The following ANKS1B variants were observed in gnomAD, a reference collection of about 807,000 sequenced individuals.
The protein encoded by ANKS1B is ankyrin repeat and sterile alpha motif domain-containing protein 1B.
Under a neutral mutation model 148.3 loss-of-function variants are expected in ANKS1B, and 36 were observed. That is an observed-to-expected ratio of 0.24 (90% CI 0.19 to 0.32). The LOEUF (loss-of-function observed/expected upper bound fraction) is 0.32. Among genes scored for constraint, ANKS1B ranks in the 10% least tolerant of loss-of-function variants. The pLI is 1.00. For synonymous variants in ANKS1B, 542 were observed against 560.8 expected (o/e 0.97, Z 0.47); for missense variants, 1,157 against 1,542.6 (o/e 0.75, Z 4.19).
intron 16 of ANKS1B, among the ~76,000 whole-genome samples, chr12:99,058,863 G>A (rs949300092): frequency 8.1e-5 from 12 of 148,586 alleles, no homozygotes; most frequent in African/African-American, 2.5e-4. Flanking sequence ...TCAGCCTCCC[G>A]AGTAGCTGGG....
chr12:99,329,411 C>G (rs1417558867), intron 12 of ANKS1B, among the ~76,000 whole-genome samples: 1 of 151,774 alleles, frequency 6.6e-6, no homozygotes, highest in African/African-American at 2.4e-5. Flanking sequence ...AATCTTTATA[C>G]CCATAAATGT....
At chr12:99,464,893 C>T (rs2096069332) in intron 10 of ANKS1B, among the ~76,000 whole-genome samples, 1 of 152,154 alleles carries the variant, frequency 6.6e-6, no homozygotes, top group African/African-American at 2.4e-5. Context: ...GGAGAACTTC[C>T]CCAATCTAGC....
intron 10 of ANKS1B, among the ~76,000 whole-genome samples, chr12:99,486,412 G>A (rs531137492): frequency 5.3e-5 from 8 of 152,066 alleles, no homozygotes; most frequent in Admixed American, 4.6e-4. Flanking sequence ...GGTTGGAATG[G>A]CAGAGGTCTC....
intron 9 of ANKS1B, among the ~76,000 whole-genome samples, chr12:99,597,251 GGAGAGA>G (rs3081683): frequency 2.7e-5 from 4 of 149,474 alleles, no homozygotes; most frequent in Non-Finnish European, 6.0e-5. Flanking sequence ...AATGTCTGAG[GGAGAGA>G]GAGAGAGAGA....
intron 17 of ANKS1B, among the ~76,000 whole-genome samples, chr12:98,954,136 T>C (rs1171230278): frequency 6.6e-6 from 1 of 152,212 alleles, no homozygotes; most frequent in Non-Finnish European, 1.5e-5. Context: ...CTTGAAGTGA[T>C]GCATGAAACA....
At chr12:99,962,906 C>G (rs12312061) in intron 1 of ANKS1B, among the ~76,000 whole-genome samples, 1 of 151,902 alleles carries the variant, frequency 6.6e-6, no homozygotes, top group Non-Finnish European at 1.5e-5. Flanking sequence ...CTCCGCCTCC[C>G]GGGCTCACGC....
chr12:99,015,089 G>A (rs999501054), intron 17 of ANKS1B, among the ~76,000 whole-genome samples: 3 of 152,144 alleles, frequency 2.0e-5, no homozygotes, highest in African/African-American at 7.2e-5. Flanking sequence ...GTTCATTGCA[G>A]CACTATTCAT....
intron 22 of ANKS1B, among the ~76,000 whole-genome samples, chr12:98,796,114 G>A (rs1459378035): frequency 6.6e-6 from 1 of 152,082 alleles, no homozygotes; most frequent in Admixed American, 6.5e-5. Context: ...GTAATTAAAT[G>A]TTCACATGTT....
intron 14 of ANKS1B, among the ~76,000 whole-genome samples, chr12:99,178,090 A>G (rs1182574966): frequency 2.0e-5 from 3 of 152,130 alleles, no homozygotes; most frequent in Non-Finnish European, 2.9e-5. Flanking sequence ...TCAGTATAGA[A>G]CTTGAACAGT....
intron 12 of ANKS1B, among the ~76,000 whole-genome samples, chr12:99,303,467 C>T (rs932465953): frequency 3.3e-5 from 5 of 152,062 alleles, no homozygotes; most frequent in Non-Finnish European, 7.4e-5. Context: ...CAACACTGTT[C>T]TAAACTCTGG....
At chr12:99,213,265 C>T (rs1045145265) in intron 14 of ANKS1B, among the ~76,000 whole-genome samples, 1 of 152,228 alleles carries the variant, frequency 6.6e-6, no homozygotes, top group African/African-American at 2.4e-5. Flanking sequence ...CCAGGAGGTG[C>T]TGGAAGCCTG....
intron 11 of ANKS1B, among the ~76,000 whole-genome samples, chr12:99,409,551 G>A (rs1433605405): frequency 6.6e-6 from 1 of 151,970 alleles, no homozygotes; most frequent in Non-Finnish European, 1.5e-5. Context: ...TTGAGTTGAT[G>A]AACACCCCAT....
intron 17 of ANKS1B, among the ~76,000 whole-genome samples, chr12:98,967,355 T>C (rs1328129964): frequency 6.6e-6 from 1 of 152,066 alleles, no homozygotes; most frequent in Non-Finnish European, 1.5e-5. Context: ...AGCAGCTCTT[T>C]GCAATGAAGA....
At chr12:98,811,784 T>C (rs977323462) in intron 19 of ANKS1B, among the ~76,000 whole-genome samples, 2 of 152,104 alleles carry the variant, frequency 1.3e-5, no homozygotes, top group Non-Finnish European at 2.9e-5. Flanking sequence ...TCTGGCTCCA[T>C]GATTGATAGC....
chr12:98,804,246 A>G (rs1390953221), intron 20 of ANKS1B, among the ~76,000 whole-genome samples: 1 of 152,132 alleles, frequency 6.6e-6, no homozygotes, highest in Non-Finnish European at 1.5e-5. Flanking sequence ...CAAATTCCCT[A>G]CAGGGACTGA....
At chr12:99,496,723 AT>A (rs77182249) in intron 10 of ANKS1B, among the ~76,000 whole-genome samples, 35,869 of 151,024 alleles carry the variant, frequency 0.24, 4,589 homozygotes, top group African/African-American at 0.34. Flanking sequence ...ACATCTGATA[AT>A]TTTTTTTTTC....
intron 17 of ANKS1B, among the ~76,000 whole-genome samples, chr12:98,866,895 T>C (rs2099627455): frequency 6.6e-6 from 1 of 152,190 alleles, no homozygotes; most frequent in South Asian, 2.1e-4. Context: ...TGGGCTCCCC[T>C]AGTAGGTTTT....
chr12:99,011,629 T>A (rs1281612517), intron 17 of ANKS1B, among the ~76,000 whole-genome samples: 2 of 152,204 alleles, frequency 1.3e-5, no homozygotes, highest in Non-Finnish European at 2.9e-5. Flanking sequence ...TGCTCGCACA[T>A]ATGGGTATTT....
chr12:99,481,048 A>G (rs761157700), intron 10 of ANKS1B, among the ~76,000 whole-genome samples: 2 of 151,480 alleles, frequency 1.3e-5, no homozygotes, highest in Non-Finnish European at 3.0e-5. Context: ...AAAATTCAAT[A>G]GCTTTTGAGG....
Sources: allele counts gnomAD v4.1 joint callset (sites outside exome capture counted in the v4.1 genomes callset), GRCh38; gene constraint gnomAD v4.1.1; transcripts MANE v1.5; gene names NCBI Gene and HGNC (gene_info 2026-07-23, HGNC 2026-07-21).